Variants in LINGO2 observed in about 807,000 individuals in gnomAD.
LINGO2 encodes leucine rich repeat and Ig domain containing 2.
In LINGO2, 14 loss-of-function variants were observed where a neutral mutation model predicts 30.6. That is an observed-to-expected ratio of 0.46 (90% CI 0.30 to 0.72). The LOEUF (loss-of-function observed/expected upper bound fraction) is 0.72. Among genes scored for constraint, LINGO2 ranks in the 30% least tolerant of loss-of-function variants. LINGO2 has a pLI of 0.07. For synonymous variants in LINGO2, 317 were observed against 288.5 expected (o/e 1.10, Z -1.00); for missense variants, 729 against 751.7 (o/e 0.97, Z 0.35).
chr9:28,785,530 T>C, the LINGO2 span, among the ~76,000 whole-genome samples: 1 of 152,362 alleles, frequency 6.6e-6, no homozygotes, highest in Middle Eastern at 3.4e-3. Context: ...CTGTAAGCTC[T>C]GTGAGAACAA....
chr9:28,797,264 G>T, the LINGO2 span, among the ~76,000 whole-genome samples: 1 of 144,556 alleles, frequency 6.9e-6, no homozygotes, highest in African/African-American at 2.6e-5. Flanking sequence ...TATCCTCAAA[G>T]AATTCATATC....
chr9:28,545,192 G>C (rs896130278), intron 1 of LINGO2, among the ~76,000 whole-genome samples: 1 of 152,000 alleles, frequency 6.6e-6, no homozygotes, highest in Non-Finnish European at 1.5e-5. Flanking sequence ...GACCGATAAG[G>C]ATTTTAACTG....
intron 4 of LINGO2, among the ~76,000 whole-genome samples, chr9:28,065,672 C>A (rs1015358647): frequency 2.8e-4 from 42 of 152,058 alleles, no homozygotes; most frequent in African/African-American, 1.0e-3. Flanking sequence ...GAGAGTCTTT[C>A]AGGAATCCGG....
At chr9:28,241,153 C>G (rs1348730108) in intron 4 of LINGO2, among the ~76,000 whole-genome samples, 1 of 150,480 alleles carries the variant, frequency 6.6e-6, no homozygotes, top group African/African-American at 2.4e-5. Flanking sequence ...CCTGTAATCC[C>G]AGCTACTTGG....
chr9:28,269,305 G>A (rs924941394), intron 4 of LINGO2, among the ~76,000 whole-genome samples: 4 of 151,938 alleles, frequency 2.6e-5, no homozygotes, highest in Non-Finnish European at 5.9e-5. Context: ...TACAAAATAG[G>A]TCTTCAATAA....
At chr9:29,115,437 G>C in the LINGO2 span, among the ~76,000 whole-genome samples, 229 of 151,998 alleles carry the variant, frequency 1.5e-3, 3 homozygotes, top group South Asian at 9.5e-3. Flanking sequence ...TTACCAGTAG[G>C]TGTGACCTCC....
At chr9:28,532,741 G>C (rs1821282511) in intron 1 of LINGO2, among the ~76,000 whole-genome samples, 1 of 152,080 alleles carries the variant, frequency 6.6e-6, no homozygotes, top group Non-Finnish European at 1.5e-5. Flanking sequence ...AGGCTACTTA[G>C]TATGCTTCTG....
intron 4 of LINGO2, among the ~76,000 whole-genome samples, chr9:28,199,304 T>C (rs769215592): frequency 2.0e-5 from 3 of 150,864 alleles, no homozygotes; most frequent in Admixed American, 6.6e-5. Flanking sequence ...ACTCATAAAG[T>C]TGAAAGACTA....
the LINGO2 span, among the ~76,000 whole-genome samples, chr9:28,740,616 T>C: frequency 1.3e-5 from 2 of 151,938 alleles, no homozygotes; most frequent in African/African-American, 4.8e-5. Context: ...TTTCTTCTTT[T>C]GTGTTGTGAG....
chr9:28,542,798 A>G (rs1342036714), intron 1 of LINGO2, among the ~76,000 whole-genome samples: 1 of 152,008 alleles, frequency 6.6e-6, no homozygotes, highest in African/African-American at 2.4e-5. Flanking sequence ...ATTCCACGTT[A>G]GTATCCTGGT....
chr9:28,064,503 C>G (rs1173336528), intron 4 of LINGO2, among the ~76,000 whole-genome samples: 1 of 152,070 alleles, frequency 6.6e-6, no homozygotes, highest in Non-Finnish European at 1.5e-5. Flanking sequence ...TGGTGAGAAT[C>G]CCGACTGTTG....
chr9:28,968,770 C>T, the LINGO2 span, among the ~76,000 whole-genome samples: 3 of 152,050 alleles, frequency 2.0e-5, no homozygotes, highest in East Asian at 1.9e-4. Context: ...TTTCTTGGAA[C>T]TTGTATTAAT....
intron 4 of LINGO2, among the ~76,000 whole-genome samples, chr9:28,146,765 C>T (rs902716107): frequency 2.6e-5 from 4 of 152,184 alleles, no homozygotes; most frequent in African/African-American, 9.7e-5. Context: ...GTTGACCGAG[C>T]TGTCATGCTC....
At chr9:28,091,900 C>T (rs1182117511) in intron 4 of LINGO2, among the ~76,000 whole-genome samples, 1 of 152,148 alleles carries the variant, frequency 6.6e-6, no homozygotes, top group Non-Finnish European at 1.5e-5. Context: ...TGAACAGACA[C>T]TTCTCAAAAG....
chr9:28,439,668 T>C (rs967530328), intron 2 of LINGO2, among the ~76,000 whole-genome samples: 7 of 152,140 alleles, frequency 4.6e-5, no homozygotes, highest in Admixed American at 3.3e-4. Flanking sequence ...CCTTTGTCTA[T>C]TGCCATGATT....
intron 3 of LINGO2, among the ~76,000 whole-genome samples, chr9:28,339,579 T>G (rs142562685): frequency 2.0e-5 from 3 of 152,276 alleles, no homozygotes; most frequent in African/African-American, 7.2e-5. Context: ...GTCAACATAT[T>G]TTCTGAACCT....
At chr9:28,487,622 G>A (rs905225085) in intron 1 of LINGO2, among the ~76,000 whole-genome samples, 1 of 152,110 alleles carries the variant, frequency 6.6e-6, no homozygotes, top group Non-Finnish European at 1.5e-5. Context: ...TGAATAAAGT[G>A]TATACAAATA....
intron 2 of LINGO2, among the ~76,000 whole-genome samples, chr9:28,387,002 C>A (rs1436573385): frequency 6.6e-6 from 1 of 152,052 alleles, no homozygotes; most frequent in Non-Finnish European, 1.5e-5. Context: ...TATAGGTACC[C>A]AATTTAACTA....
intron 5 of LINGO2, among the ~76,000 whole-genome samples, 186 bp from the exon 7 acceptor site, chr9:27,950,892 C>G (rs1335520065): frequency 2.0e-5 from 3 of 152,124 alleles, no homozygotes; most frequent in Admixed American, 2.0e-4. Flanking sequence ...TTTAATCTCT[C>G]TGCATTTTAG....
Sources: gnomAD v4.1 joint callset for allele counts (sites outside exome capture counted in the v4.1 genomes callset) on GRCh38, gnomAD v4.1.1 for gene constraint, MANE v1.5 for transcripts, NCBI Gene and HGNC (gene_info 2026-07-23, HGNC 2026-07-21) for gene names.